SON: variants seen among roughly 807,000 people sequenced by gnomAD.
SON encodes the protein protein SON.
A neutral mutation model predicts 173.3 loss-of-function variants in SON; 4 were observed. The observed-to-expected ratio is 0.02, with a 90% CI of 0.01 to 0.05. The LOEUF (loss-of-function observed/expected upper bound fraction) is 0.05. Ranked by LOEUF, SON falls within the 10% of genes least tolerant of loss-of-function variation. The pLI is 1.00. For missense variants in SON, 2,626 were observed against 3,055.3 expected, an observed-to-expected ratio of 0.86 and a Z score of 3.31; for synonymous variants, 1,190 against 1,105.9, an observed-to-expected ratio of 1.08 and a Z score of -1.51.
rs1021354070 is a variant in SON, at chr21:33,576,668, T to C, written c.*244T>C. Reference sequence around the variant, plus strand: ...TGTAAATATTTGGCAATTTAAGACATTGTGTAAAAAGCAATCTGTAAAAAC... The same window carrying C: ...TGTAAATATTTGGCAATTTAAGACACTGTGTAAAAAGCAATCTGTAAAAAC... On this transcript the variant is annotated 3_prime_UTR_variant, in exon 12 of 12. Transcript: ENST00000356577. 3.3e-6 allele frequency: 2 copies of C among 608,546 alleles called. No individual in the cohort carries two copies. Among genetic ancestry groups the C allele is most frequent in the Non-Finnish European group, 6.1e-6 (2 of 329,042 alleles). The allele number at this position is 608,546 out of a possible 1,614,324, so 37.7% of individuals were successfully genotyped here.
intron 7 of SON, among the ~76,000 whole-genome samples, chr21:33,567,908 C>CT (rs2086205452): frequency 2.0e-5 from 3 of 151,814 alleles, no homozygotes; most frequent in African/African-American, 4.8e-5. Flanking sequence ...GTGAGACTGT[C>CT]TAAAAAAAAC....
Position 33,568,960 on chromosome 21 carries a change from CT to C in SON, c.6769-7del. 2 of 1,553,420 alleles carry C rather than the reference CT, an allele frequency of 1.3e-6. No individual in the cohort carries two copies. The highest frequency in any genetic ancestry group is 1.8e-6 in the Non-Finnish European group (2 of 1,129,880). On this transcript the variant is annotated splice_polypyrimidine_tract_variant and intron_variant, in intron 7 of 11. Transcript: ENST00000356577. ...TTTACTTAGTTAACTGAGACTACTT[CT>C]TTTCTTCAGATTGATGCCTGGGCTC...
chr21:33,567,240 G>A lies in SON; in HGVS notation c.6741G>A (p.Met2247Ile), dbSNP rs372914469. ...AGAATGCATTTGATCTTGAAGCCAT[G>A]AGCATGTTAAATAGAGCTCAGGAAA... ...LSENAFDLEA[M>I]SMLNRAQERI... Residue 2247 changes from methionine (M) to isoleucine (I), a missense_variant, in exon 7 of 12, where the codon ATG (methionine) becomes ATA (isoleucine). This residue lies in a region of SON where 75 missense variants were observed against 201.6 expected (regional missense o/e 0.37). Coordinates refer to ENST00000356577, the MANE Select transcript of SON (RefSeq NM_138927.4). 1 of 1,608,112 alleles carries A rather than the reference G, an allele frequency of 6.2e-7. No individual in the cohort carries two copies. Among genetic ancestry groups the A allele is most frequent in the Non-Finnish European group, 8.5e-7 (1 of 1,174,608 alleles).
chr21:33,557,283 G>A lies in SON; in HGVS notation c.6288G>A (p.Lys2096=). ...PPTIEEKVAK[K]SGGATIEELT... ...CTATAGAAGAGAAAGTTGCTAAAAAGTCAGGAGGAGCTACTATAGAAGAAC... is the reference window on the plus strand; with the variant it reads ...CTATAGAAGAGAAAGTTGCTAAAAAATCAGGAGGAGCTACTATAGAAGAAC... The change falls in exon 4 of 12, where the codon AAG becomes AAA. Residue 2096 remains lysine (K), a synonymous_variant. Transcript: ENST00000356577. The A allele has an allele frequency of 6.2e-7, 1 of 1,613,778 alleles. No individual in the cohort carries two copies. Among genetic ancestry groups the A allele is most frequent in the African/African-American group, 1.3e-5 (1 of 74,890 alleles).
intron 7 of SON, among the ~76,000 whole-genome samples, chr21:33,568,332 A>C (rs1016412690): frequency 1.1e-4 from 16 of 152,210 alleles, no homozygotes; most frequent in African/African-American, 3.6e-4. Context: ...GTCTCGACTA[A>C]AAATACAAAA....
In SON at chr21:33,550,607, C is replaced by T. The variant is rs1368309774; in HGVS notation, c.1376C>T (p.Pro459Leu). ...CAGGAATTGCCAGGGCTTCCAGCAC[C>T]ATCCATGGGGTTGGAGCCACCACAG... ...LSQELPGLPA[P>L]SMGLEPPQEV... Residue 459 changes from proline (P) to leucine (L), a missense_variant, in exon 3 of 12, where the codon CCA (proline) becomes CTA (leucine). Physicochemically the swap from Pro to Leu is moderately conservative, Grantham distance 98 (BLOSUM62 -3). Coordinates refer to ENST00000356577, the MANE Select transcript of SON (RefSeq NM_138927.4). 1 of 1,613,892 alleles carries T rather than the reference C, an allele frequency of 6.2e-7. No homozygotes were observed. The highest frequency in any genetic ancestry group is 1.1e-5 in the South Asian group (1 of 91,076).
Position 33,553,757 on chromosome 21 carries a change from C to T in SON, c.4526C>T (p.Ser1509Leu), listed in dbSNP as rs769599307. 6.2e-7 allele frequency: 1 copy of T among 1,613,992 alleles called. No individual in the cohort carries two copies. Among genetic ancestry groups the T allele is most frequent in the Non-Finnish European group, 8.5e-7 (1 of 1,179,954 alleles). The part of the protein sequence containing the change: ...EIGMQEIALH[S>L]GEEPHAEEHL... ...GGCATGCAGGAGATTGCATTGCATT[C>T]AGGTGAAGAACCACATGCTGAGGAA... Residue 1509 changes from serine (S) to leucine (L), a missense_variant, in exon 3 of 12, where the codon TCA becomes TTA. Around this residue, in one of 13 missense-constraint regions of SON, gnomAD observed 1,006 missense variants for 895.6 expected, o/e 1.12. Transcript: ENST00000356577.
intron 1 of SON, chr21:33,543,580 G>T: frequency 4.0e-6 from 1 of 249,842 alleles, no homozygotes; most frequent in South Asian, 4.3e-5. Context: ...GCCTATGACC[G>T]GAAAGGGTCT....
At chr21:33,557,097 G>GGT in intron 3 of SON, 59 bp from the exon 4 acceptor site, 1 of 1,491,840 alleles carries the variant, frequency 6.7e-7, no homozygotes, top group Non-Finnish European at 9.1e-7. Flanking sequence ...TTAGACTTTT[G>GGT]GTAATACAAA....
chr21:33,554,571 A>G lies in SON; in HGVS notation c.5340A>G (p.Ser1780=). The G allele has an allele frequency of 6.2e-7, 1 of 1,614,054 alleles. No individual in the cohort carries two copies. ...TAAGTAGTATGCCAGAAAGAGCTTC[A>G]GAGTCTTCTTCAGAGGAAAAAGATG... is the stretch of plus-strand genomic sequence containing the variant. ...PVVSSMPERA[S]ESSSEEKDDY... is the part of the protein sequence containing the mutation. Residue 1780 remains serine (S), a synonymous_variant, in exon 3 of 12, where the codon TCA becomes TCG. Transcript: ENST00000356577.
chr21:33,573,442 G>A lies in SON; in HGVS notation c.7020G>A (p.Lys2340=). 6.2e-7 allele frequency: 1 copy of A among 1,610,886 alleles called. No individual in the cohort carries two copies. Among genetic ancestry groups the A allele is most frequent in the Non-Finnish European group, 8.5e-7 (1 of 1,178,918 alleles). ...GNKEPILVDF[K]TDRKGLVAVG... is the part of the protein sequence containing the mutation. ...AGGAACCCATCCTAGTTGATTTTAA[G>A]ACAGACCGAAAAGGTAACAAGTTCT... Residue 2340 remains lysine (K), a synonymous_variant, in exon 9 of 12, where the codon AAG becomes AAA. Coordinates refer to ENST00000356577, the MANE Select transcript of SON (RefSeq NM_138927.4).
Position 33,550,701 on chromosome 21 carries a change from G to T in SON, c.1470G>T (p.Glu490Asp). The change falls in exon 3 of 12, where the codon GAG becomes GAT. Residue 490 changes from glutamate (E) to aspartate (D), a missense_variant. By Grantham distance (45) the Glu-to-Asp change is conservative. Around this residue, in one of 13 missense-constraint regions of SON, gnomAD observed 757 missense variants for 730.1 expected, o/e 1.04. Coordinates refer to ENST00000356577, the MANE Select transcript of SON (RefSeq NM_138927.4). The part of the protein sequence containing the change: ...PGLPLVTAAV[E>D]LPEQPAVTVA... The stretch of plus-strand genomic sequence containing the variant: ...TGCCTTTGGTGACAGCAGCAGTAGA[G>T]TTGCCAGAGCAGCCTGCGGTAACAG... The T allele has an allele frequency of 6.2e-7, 1 of 1,613,906 alleles. No homozygotes were observed. Among genetic ancestry groups the T allele is most frequent in the Non-Finnish European group, 8.5e-7 (1 of 1,179,908 alleles).
At chr21:33,543,501 T>G in intron 1 of SON, 5 of 314,040 alleles carry the variant, frequency 1.6e-5, no homozygotes, top group Non-Finnish European at 2.4e-5. Context: ...GCCTAGTTCC[T>G]TCCTCAGCTC....
intron 1 of SON, among the ~76,000 whole-genome samples, chr21:33,544,352 A>G (rs1383070056): frequency 6.6e-6 from 1 of 152,244 alleles, no homozygotes; most frequent in Non-Finnish European, 1.5e-5. Context: ...GACCCGAGCT[A>G]AGAGAATATA....
rs1265957745 is a variant in SON, at chr21:33,549,463, C to T, written c.245-13C>T. On this transcript the variant is annotated splice_polypyrimidine_tract_variant and intron_variant, in intron 2 of 11. Transcript: ENST00000356577. ...GGGGAATGTCTGACAAAATTAATTT[C>T]TATTACTTTTAGACTTGAAAGAGGG... 6.6e-7 allele frequency: 1 copy of T among 1,516,442 alleles called. No homozygotes were observed. The highest frequency in any genetic ancestry group is 2.3e-5 in the Admixed American group (1 of 42,942). The allele number at this position is 1,516,442 out of a possible 1,614,324, so 93.9% of individuals were successfully genotyped here.
At chr21:33,548,098 T>C (rs978540187) in intron 2 of SON, among the ~76,000 whole-genome samples, 3 of 150,114 alleles carry the variant, frequency 2.0e-5, no homozygotes, top group African/African-American at 4.9e-5. Context: ...TAATTTGATA[T>C]TGGCATTAGA....
rs2145821103 is a variant in SON, at chr21:33,551,000, C to T, written c.1769C>T (p.Ala590Val). ...RALELSGQPV[A>V]TGALELPGPL... is the part of the protein sequence containing the mutation. ...CTGGAGTTGTCGGGGCAGCCTGTGG[C>T]AACTGGGGCACTAGAGTTGCCTGGG... Residue 590 changes from alanine (A) to valine (V), a missense_variant, in exon 3 of 12, where the codon GCA (alanine) becomes GTA (valine). This residue lies in a region of SON where 757 missense variants were observed against 730.1 expected (regional missense o/e 1.04). Transcript: ENST00000356577. The T allele has an allele frequency of 1.9e-6, 3 of 1,605,714 alleles. No individual in the cohort carries two copies. In the East Asian group the frequency reaches 6.7e-5, roughly 36 times the overall value.
chr21:33,554,871 T>G lies in SON; in HGVS notation c.5640T>G (p.Ser1880=). ...GAAGCAGCAGATCAAGATCAAAGTC[T>G]AGAGGAAGAAGATCTGTATCAAAAG... The part of the protein sequence containing the change: ...RRRSSRSRSK[S]RGRRSVSKEK... Residue 1880 remains serine, a synonymous_variant, in exon 3 of 12, where the codon TCT becomes TCG. Transcript: ENST00000356577. The G allele has an allele frequency of 6.2e-7, 1 of 1,614,026 alleles. No individual in the cohort carries two copies. The highest frequency in any genetic ancestry group is 8.5e-7 in the Non-Finnish European group (1 of 1,180,012).
rs770986559 is a variant in SON at position 33,573,331 on chromosome 21, G to A, written c.6909G>A (p.Pro2303=). The A allele has an allele frequency of 1.6e-5, 26 of 1,611,074 alleles. No individual in the cohort carries two copies. The highest frequency in any genetic ancestry group is 2.7e-5 in the African/African-American group (2 of 74,800). The stretch of plus-strand genomic sequence containing the variant: ...AGGATCAGTTCTTAAGAGCAGCCCC[G>A]GTAACTGGAGGAATGGGAGCCGTTT... ...IKKDQFLRAA[P]VTGGMGAVLM... Residue 2303 remains proline, a synonymous_variant, in exon 9 of 12, where the codon CCG becomes CCA. Transcript: ENST00000356577.
Sources: gnomAD v4.1 joint callset for allele counts (sites outside exome capture counted in the v4.1 genomes callset) on GRCh38, gnomAD v4.1.1 for gene constraint, gnomAD v4.1.1 regional missense constraint, MANE v1.5 for transcripts, NCBI Gene and HGNC (gene_info 2026-07-23, HGNC 2026-07-21) for gene names.